SIDT1: variants seen among roughly 807,000 people sequenced by gnomAD.
SIDT1 encodes the protein SID1 transmembrane family, member 1.
In SIDT1, 101 loss-of-function variants were observed where a neutral mutation model predicts 107.5. The ratio of observed to expected loss-of-function variants is 0.94; its 90% CI spans 0.80 to 1.11. The LOEUF is 1.11. Among genes scored for constraint, SIDT1 ranks in the 50% least tolerant of loss-of-function variants. The pLI is 0.00. For missense variants in SIDT1, 1,076 were observed against 1,058.2 expected, an observed-to-expected ratio of 1.02 and a Z score of -0.23; for synonymous variants, 395 against 398.2, an observed-to-expected ratio of 0.99 and a Z score of 0.10.
chr3:113,571,512 A>ACACACACACACAC (rs1553789387), intron 3 of SIDT1, among the ~76,000 whole-genome samples: 1 of 151,972 alleles, frequency 6.6e-6, no homozygotes, highest in Admixed American at 6.6e-5. Flanking sequence ...ACACACACAT[A>ACACACACACACAC]AACTGTGCCA....
rs559636243 is a variant in SIDT1 at position 113,547,196 on chromosome 3, A to G, written c.222+13953A>G. On this transcript the variant is annotated intron_variant, in intron 1 of 24. Transcript: ENST00000264852. The stretch of plus-strand genomic sequence containing the variant: ...GTTTTGGTCATTACACATTCCATAC[A>G]TGTATCAAAATATCACACTATCCCC... 3.9e-5 allele frequency among the ~76,000 whole-genome samples: 6 copies of G among 152,260 alleles called. No homozygotes were observed. The South Asian group carries it at 8.3e-4, about 21-fold the overall frequency.
chr3:113,608,027 C>T (rs1419866916), intron 15 of SIDT1, 67 bp from the exon 16 acceptor site: 1 of 1,436,592 alleles, frequency 7.0e-7, no homozygotes, highest in Non-Finnish European at 9.2e-7. Context: ...TTCCTTCATG[C>T]ATCATGTATT....
intron 21 of SIDT1, 66 bp from the exon 22 acceptor site, chr3:113,623,338 CTTCCCCCTCAAGGGACTGGGGGA>C: frequency 1.4e-6 from 1 of 731,324 alleles, no homozygotes; most frequent in South Asian, 1.8e-5. Context: ...GAACCTGCCC[CTTCCCCCTCAAGGGACTGGGGGA>C]TTGGAAAAGC....
chr3:113,623,495 A>T lies in SIDT1; in HGVS notation c.2159A>T (p.Asn720Ile). ...ASYMLGIFIC[N>I]LLLYLAFYII... ...TACATGCTGGGCATCTTCATCTGTA[A>T]CCTTTTGCTGTACCTGGCCTTTTAC... The change falls in exon 22 of 25, where the codon AAC becomes ATC. Residue 720 changes from asparagine to isoleucine, a missense_variant. Physicochemically the swap from Asn to Ile is moderately radical, Grantham distance 149 (BLOSUM62 -3). Transcript: ENST00000264852. 1 of 1,614,014 alleles carries T rather than the reference A, an allele frequency of 6.2e-7. No individual in the cohort carries two copies. Among genetic ancestry groups the T allele is most frequent in the Non-Finnish European group, 8.5e-7 (1 of 1,179,982 alleles).
rs980702871 is a variant in SIDT1 at position 113,624,265 on chromosome 3, C to G, written c.2307+532C>G. 2.0e-5 allele frequency among the ~76,000 whole-genome samples: 3 copies of G among 152,232 alleles called. No individual in the cohort carries two copies. The East Asian group carries it at 5.8e-4, about 29-fold the overall frequency. On this transcript the variant is annotated intron_variant, in intron 23 of 24. Transcript: ENST00000264852. ...GCATCAGCATTCACTCCTCATTTCT[C>G]GCTAACCCCTTACCCCTAAGCAACT...
chr3:113,598,859 G>T (rs1460425827), intron 10 of SIDT1, among the ~76,000 whole-genome samples: 1 of 152,248 alleles, frequency 6.6e-6, no homozygotes, highest in African/African-American at 2.4e-5. Flanking sequence ...AGGCATGGTG[G>T]CTCACACCTG....
At chr3:113,635,866 T>A in the SIDT1 span, among the ~76,000 whole-genome samples, 1 of 146,516 alleles carries the variant, frequency 6.8e-6, no homozygotes. Flanking sequence ...AGAGGGAGAC[T>A]CTGTCTCAAA....
Position 113,627,780 on chromosome 3 carries a change from G to A in SIDT1, c.*72G>A, listed in dbSNP as rs1420679141. 5 of 1,420,932 alleles carry A rather than the reference G, an allele frequency of 3.5e-6. No individual in the cohort carries two copies. Among genetic ancestry groups the A allele is most frequent in the Admixed American group, 1.7e-5 (1 of 59,244 alleles). 88.0% of individuals were successfully genotyped at this position (1,420,932 alleles called of 1,614,324 possible). A position where few individuals can be genotyped will look rare whatever the true frequency, so the allele number is the denominator to read the frequency against. On this transcript the variant is annotated 3_prime_UTR_variant, in exon 25 of 25. Transcript: ENST00000264852. ...TTTCACAAAAATTACAGTGACCACA[G>A]CAAAGTAACCACTGCCAGATGCTCC...
intron 3 of SIDT1, among the ~76,000 whole-genome samples, chr3:113,572,675 G>C (rs952769942): frequency 3.3e-5 from 5 of 152,220 alleles, no homozygotes; most frequent in Admixed American, 2.0e-4. Context: ...GCAGCAACAA[G>C]GTTGTAAGGG....
At chr3:113,596,487 G>T (rs1475133140) in intron 10 of SIDT1, among the ~76,000 whole-genome samples, 2 of 152,198 alleles carry the variant, frequency 1.3e-5, no homozygotes, top group South Asian at 4.1e-4. Flanking sequence ...AGACCCTGGA[G>T]CCTGGGTGAG....
intron 10 of SIDT1, among the ~76,000 whole-genome samples, chr3:113,600,270 A>G (rs1944867014): frequency 6.6e-6 from 1 of 152,142 alleles, no homozygotes; most frequent in Non-Finnish European, 1.5e-5. Context: ...AGATCGTACT[A>G]CTGCACTCCA....
intron 1 of SIDT1, among the ~76,000 whole-genome samples, chr3:113,543,364 G>A (rs900430624): frequency 1.3e-4 from 20 of 152,172 alleles, no homozygotes; most frequent in Admixed American, 3.3e-4. Context: ...TTTAATTGCC[G>A]TTCTCAGATT....
chr3:113,592,327 T>C (rs1944219317), intron 9 of SIDT1, among the ~76,000 whole-genome samples: 1 of 152,262 alleles, frequency 6.6e-6, no homozygotes, highest in Non-Finnish European at 1.5e-5. Context: ...AATCTAATAC[T>C]AAAACTCACT....
chr3:113,580,206 ATT>A (rs1406773226), intron 4 of SIDT1, among the ~76,000 whole-genome samples: 1 of 152,124 alleles, frequency 6.6e-6, no homozygotes, highest in East Asian at 1.9e-4. Flanking sequence ...TCAATATGGA[ATT>A]TTCGTATGTC....
intron 1 of SIDT1, among the ~76,000 whole-genome samples, chr3:113,551,596 T>C (rs898096905): frequency 2.6e-5 from 4 of 152,230 alleles, no homozygotes; most frequent in African/African-American, 9.6e-5. Context: ...TTTAAGACTA[T>C]GTCTGACTCC....
At chr3:113,547,985 G>A (rs545332997) in intron 1 of SIDT1, among the ~76,000 whole-genome samples, 163 of 152,206 alleles carry the variant, frequency 1.1e-3, no homozygotes, top group African/African-American at 3.9e-3. Flanking sequence ...AGTTTATCAT[G>A]AAGTAATATG....
chr3:113,574,771 T>C (rs1277337715), intron 3 of SIDT1, among the ~76,000 whole-genome samples: 3 of 152,160 alleles, frequency 2.0e-5, no homozygotes, highest in Non-Finnish European at 4.4e-5. Context: ...AATTGTTTTT[T>C]AGCCTCTTAT....
chr3:113,549,960 A>G (rs1940031419), intron 1 of SIDT1, among the ~76,000 whole-genome samples: 1 of 152,200 alleles, frequency 6.6e-6, no homozygotes, highest in African/African-American at 2.4e-5. Context: ...TTTTTTGCAT[A>G]TGCTGTCCAG....
At position 113,623,113 on chromosome 3, in the gene SIDT1, T is replaced by A. The variant is rs537479487; in HGVS notation, c.2091-314T>A. Among the ~76,000 whole-genome samples, 11 of 142,448 alleles carry A rather than the reference T, an allele frequency of 7.7e-5. No individual in the cohort carries two copies. In the East Asian group the frequency reaches 2.3e-3, roughly 30 times the overall value. The allele number at this position is 142,448 out of a possible 152,430, so 93.5% of individuals were successfully genotyped here. A position where few individuals can be genotyped will look rare whatever the true frequency, so the allele number is the denominator to read the frequency against. Reference sequence around the variant, plus strand: ...GGTTGAAGTGGAAGGATCGCTTGAGTCCAGGATGTGGAGGTTGCAGTGAGC... The same window carrying A: ...GGTTGAAGTGGAAGGATCGCTTGAGACCAGGATGTGGAGGTTGCAGTGAGC... On this transcript the variant is annotated intron_variant, in intron 21 of 24. Coordinates refer to ENST00000264852, the MANE Select transcript of SIDT1 (RefSeq NM_017699.3).
Sources: allele counts gnomAD v4.1 joint callset (sites outside exome capture counted in the v4.1 genomes callset), GRCh38; gene constraint gnomAD v4.1.1; transcripts MANE v1.5; gene names NCBI Gene and HGNC (gene_info 2026-07-23, HGNC 2026-07-21).